DGKH: variants seen among roughly 807,000 people sequenced by gnomAD.
DGKH encodes the protein DAG kinase eta.
A neutral mutation model predicts 159.3 loss-of-function variants in DGKH; 90 were observed. That is an observed-to-expected ratio of 0.57 (90% CI 0.48 to 0.67). DGKH has a LOEUF of 0.67. Among genes scored for constraint, DGKH ranks in the 30% least tolerant of loss-of-function variants. The pLI, the probability that DGKH is intolerant of heterozygous loss-of-function variation, is 0.00. For synonymous variants in DGKH, 536 were observed against 553.8 expected (o/e 0.97, Z 0.45); for missense variants, 1,181 against 1,506.1 (o/e 0.78, Z 3.57).
chr13:42,048,667 C>G lies in DGKH; in HGVS notation c.-107C>G, dbSNP rs1467817240. The stretch of plus-strand genomic sequence containing the variant: ...TAGCTAGGGAAACGGAAGATGGCGG[C>G]GGCGGCCGGGCACGGGGTTCCGGGC... On this transcript the variant is annotated 5_prime_UTR_variant, in exon 1 of 30. Coordinates refer to ENST00000337343, the MANE Select transcript of DGKH (RefSeq NM_178009.5). The surrounding 1 kb of genome is among the most constrained non-coding windows in gnomAD (Gnocchi z 6.7). The G allele has an allele frequency of 1.7e-6, 2 of 1,193,482 alleles. No homozygotes were observed. Among genetic ancestry groups the G allele is most frequent in the African/African-American group, 3.2e-5 (2 of 62,808 alleles). 73.9% of individuals were successfully genotyped at this position (1,193,482 alleles called of 1,614,324 possible).
chr13:42,219,426 G>T, intron 27 of DGKH, 77 bp downstream of exon 27: 1 of 1,540,090 alleles, frequency 6.5e-7, no homozygotes, highest in Non-Finnish European at 8.8e-7. Context: ...TTGAAAAAGA[G>T]ATATTTAGGG....
At chr13:42,208,449 G>A (rs1957559845) in intron 21 of DGKH, among the ~76,000 whole-genome samples, 1 of 151,990 alleles carries the variant, frequency 6.6e-6, no homozygotes, top group Non-Finnish European at 1.5e-5. Context: ...AAAATATAAA[G>A]CACATATGTA....
chr13:42,082,962 G>A (rs1954227706), intron 1 of DGKH, among the ~76,000 whole-genome samples: 1 of 152,196 alleles, frequency 6.6e-6, no homozygotes, highest in Non-Finnish European at 1.5e-5. Flanking sequence ...CGGGATAATG[G>A]AAAGCTAATA....
intron 17 of DGKH, among the ~76,000 whole-genome samples, chr13:42,197,224 T>C (rs1254512168): frequency 1.9e-5 from 2 of 105,600 alleles, no homozygotes; most frequent in Admixed American, 2.4e-4. Context: ...TACTCCAGCC[T>C]GGGCAACAGA....
chr13:42,182,790 A>C (rs1236465655), intron 13 of DGKH, among the ~76,000 whole-genome samples: 3 of 152,112 alleles, frequency 2.0e-5, no homozygotes, highest in African/African-American at 7.2e-5. Context: ...TCTTTTTAAA[A>C]ATCTAAAAAT....
chr13:42,052,955 C>G (rs756822824), intron 1 of DGKH, among the ~76,000 whole-genome samples: 3 of 152,122 alleles, frequency 2.0e-5, no homozygotes, highest in Non-Finnish European at 2.9e-5. Flanking sequence ...ATTTATATGT[C>G]TTCTTACAGC....
chr13:42,087,289 C>A (rs1325768947), intron 1 of DGKH, among the ~76,000 whole-genome samples: 1 of 152,028 alleles, frequency 6.6e-6, no homozygotes, highest in Admixed American at 6.6e-5. Context: ...AAAAGTAAGC[C>A]TGAAATGAAT....
chr13:42,160,691 C>T (rs1250156966), intron 7 of DGKH, among the ~76,000 whole-genome samples: 5 of 152,078 alleles, frequency 3.3e-5, no homozygotes, highest in African/African-American at 1.2e-4. Context: ...ATGAGGAGGT[C>T]GTGGGTGTGA....
At chr13:42,251,337 A>ATG (rs1437665860) in intron 29 of DGKH, among the ~76,000 whole-genome samples, 13 of 152,184 alleles carry the variant, frequency 8.5e-5, no homozygotes, top group Admixed American at 7.9e-4. Context: ...TTACCTGGGC[A>ATG]TGGTGACATG....
intron 3 of DGKH, among the ~76,000 whole-genome samples, chr13:42,138,697 T>C (rs956474296): frequency 6.6e-6 from 1 of 152,210 alleles, no homozygotes; most frequent in Non-Finnish European, 1.5e-5. Context: ...ATGACTTGAC[T>C]ATTTTATACC....
chr13:42,228,765 T>C (rs566380717), intron 29 of DGKH, among the ~76,000 whole-genome samples: 96 of 152,060 alleles, frequency 6.3e-4, no homozygotes, highest in Non-Finnish European at 9.9e-4. Context: ...TTTTGACTTT[T>C]GAAGTCAAAA....
intron 1 of DGKH, among the ~76,000 whole-genome samples, chr13:42,091,440 G>GA (rs1954415652): frequency 6.6e-6 from 1 of 152,136 alleles, no homozygotes; most frequent in South Asian, 2.1e-4. Context: ...TCCAGAAAAT[G>GA]AAAAGAACTC....
intron 16 of DGKH, among the ~76,000 whole-genome samples, chr13:42,193,542 AC>A (rs1476686805): frequency 6.6e-6 from 1 of 152,218 alleles, no homozygotes; most frequent in Admixed American, 6.5e-5. Flanking sequence ...TGTGAGAAAT[AC>A]CGTATATTAA....
intron 9 of DGKH, 52 bp from the exon 10 acceptor site, chr13:42,168,388 G>T: frequency 6.8e-7 from 1 of 1,471,314 alleles, no homozygotes; most frequent in East Asian, 2.4e-5. Context: ...AAAGAATTGA[G>T]GAAAGTGATT....
intron 11 of DGKH, among the ~76,000 whole-genome samples, chr13:42,169,616 G>T (rs1248251194): frequency 6.6e-6 from 1 of 152,170 alleles, no homozygotes; most frequent in East Asian, 1.9e-4. Flanking sequence ...GATAGAATTA[G>T]CCATCTGTGG....
intron 21 of DGKH, among the ~76,000 whole-genome samples, chr13:42,206,641 CTTA>C (rs1555275871): frequency 6.6e-6 from 1 of 152,136 alleles, no homozygotes; most frequent in Non-Finnish European, 1.5e-5. Context: ...AAGGGAGACT[CTTA>C]TTTCCCTGTC....
At position 42,205,528 on chromosome 13, in the gene DGKH, A is replaced by G. The variant is rs147595666; in HGVS notation, c.2494-511A>G. Among the ~76,000 whole-genome samples the G allele has an allele frequency of 4.6e-3, 706 of 152,284 alleles. 1 individual carries two copies. Among genetic ancestry groups the G allele is most frequent in the Admixed American group, 0.011 (174 of 15,296 alleles). ...TAAGGACTGCAAGGAGCTTTCTGAG[A>G]TGCATATATTTTTGCTTGACTTTGG... On this transcript the variant is annotated intron_variant, in intron 20 of 29. Transcript: ENST00000337343.
chr13:42,253,284 A>G (rs1215662844), intron 30 of DGKH, among the ~76,000 whole-genome samples: 1 of 152,100 alleles, frequency 6.6e-6, no homozygotes, highest in East Asian at 1.9e-4. Flanking sequence ...TGCCCTTATA[A>G]TAGAGGATTC....
At chr13:42,141,028 C>CCATTAACTCGTCATTTACATTTGGTATAT (rs55860412) in intron 3 of DGKH, among the ~76,000 whole-genome samples, 1 of 52,094 alleles carries the variant, frequency 1.9e-5, no homozygotes, top group African/African-American at 6.6e-5. Flanking sequence ...TGTGCTGAAC[C>CCATTAACTCGTCATTTACATTTGGTATAT]CTCCTAATGC....
Sources: gnomAD v4.1 joint callset for allele counts (sites outside exome capture counted in the v4.1 genomes callset) on GRCh38, gnomAD v4.1.1 for gene constraint, Gnocchi (gnomAD v3.1) non-coding constraint, MANE v1.5 for transcripts, NCBI Gene and HGNC (gene_info 2026-07-23, HGNC 2026-07-21) for gene names.